PFDN1: variants seen among roughly 807,000 people sequenced by gnomAD.
PFDN1 encodes the protein prefoldin 1.
A neutral mutation model predicts 17.3 loss-of-function variants in PFDN1; 6 were observed. The observed-to-expected ratio is 0.35, with a 90% CI of 0.19 to 0.69. The LOEUF is 0.69. PFDN1 is among the 30% of genes least tolerant of loss of function. The pLI, the probability that PFDN1 is intolerant of heterozygous loss-of-function variation, is 0.65. For missense variants in PFDN1, 113 were observed against 146.2 expected, an observed-to-expected ratio of 0.77 and a Z score of 1.17; for synonymous variants, 58 against 50.1, an observed-to-expected ratio of 1.16 and a Z score of -0.67.
intron 2 of PFDN1, among the ~76,000 whole-genome samples, chr5:140,286,498 G>T (rs1165164356): frequency 6.7e-6 from 1 of 149,164 alleles, no homozygotes; most frequent in Admixed American, 6.8e-5. Flanking sequence ...AATAAAAAAG[G>T]ATTTACACAA....
intron 3 of PFDN1, among the ~76,000 whole-genome samples, chr5:140,247,145 TTTTA>T (rs1365187650): frequency 6.6e-6 from 1 of 152,134 alleles, no homozygotes; most frequent in Non-Finnish European, 1.5e-5. Context: ...TGTTTGTATG[TTTTA>T]TTTATTTTTG....
intron 3 of PFDN1, among the ~76,000 whole-genome samples, chr5:140,256,898 C>A (rs982133338): frequency 6.6e-6 from 1 of 152,052 alleles, no homozygotes; most frequent in Non-Finnish European, 1.5e-5. Flanking sequence ...GACACTCTCA[C>A]ACTGAATCAA....
intron 3 of PFDN1, among the ~76,000 whole-genome samples, chr5:140,275,552 T>C (rs1483513851): frequency 6.6e-6 from 1 of 152,098 alleles, no homozygotes; most frequent in African/African-American, 2.4e-5. Flanking sequence ...CTTGGCTGGC[T>C]GATGACATAG....
chr5:140,290,778 TA>T (rs1765568662), intron 2 of PFDN1, among the ~76,000 whole-genome samples: 1 of 152,174 alleles, frequency 6.6e-6, no homozygotes, highest in South Asian at 2.1e-4. Context: ...ACTGTACTCC[TA>T]AAATGAATGC....
intron 2 of PFDN1, among the ~76,000 whole-genome samples, chr5:140,290,556 T>C (rs1765564799): frequency 1.3e-5 from 2 of 152,314 alleles, no homozygotes; most frequent in South Asian, 4.1e-4. Context: ...GTACATACTA[T>C]AATGACTCCA....
intron 3 of PFDN1, among the ~76,000 whole-genome samples, chr5:140,247,478 A>T (rs1423905374): frequency 6.6e-6 from 1 of 152,178 alleles, no homozygotes; most frequent in African/African-American, 2.4e-5. Flanking sequence ...TTTCCTACAG[A>T]AGCCAAATGT....
chr5:140,261,303 G>A (rs888248250), intron 3 of PFDN1, among the ~76,000 whole-genome samples: 6 of 151,992 alleles, frequency 3.9e-5, no homozygotes, highest in Admixed American at 1.3e-4. Flanking sequence ...ACATACAAAC[G>A]GGTTGGGGTA....
At chr5:140,302,899 G>A in intron 1 of PFDN1, 142 bp downstream of exon 1, 1 of 743,238 alleles carries the variant, frequency 1.3e-6, no homozygotes, top group Non-Finnish European at 2.4e-6. Flanking sequence ...ACCCAGTGAG[G>A]CCTTAGGACT....
At chr5:140,302,891 C>G in intron 1 of PFDN1, 150 bp downstream of exon 1, 1 of 712,426 alleles carries the variant, frequency 1.4e-6, no homozygotes, top group South Asian at 1.6e-5. Context: ...TTATGGAGAC[C>G]CAGTGAGGCC....
chr5:140,284,513 G>A (rs375623345), intron 2 of PFDN1, among the ~76,000 whole-genome samples: 4 of 152,336 alleles, frequency 2.6e-5, no homozygotes, highest in African/African-American at 9.6e-5. Flanking sequence ...GATACTATGT[G>A]AAGAGAAAGG....
chr5:140,288,379 T>C (rs1765529445), intron 2 of PFDN1, among the ~76,000 whole-genome samples: 1 of 151,410 alleles, frequency 6.6e-6, no homozygotes, highest in African/African-American at 2.4e-5. Context: ...ATAGAAACAG[T>C]AAAAAGGTCA....
intron 2 of PFDN1, among the ~76,000 whole-genome samples, chr5:140,287,074 T>C (rs1765507098): frequency 6.6e-6 from 1 of 152,236 alleles, no homozygotes; most frequent in African/African-American, 2.4e-5. Context: ...TATGTGAATA[T>C]ATGTATACAA....
At chr5:140,272,596 G>T (rs112179824) in intron 3 of PFDN1, among the ~76,000 whole-genome samples, 16 of 151,698 alleles carry the variant, frequency 1.1e-4, no homozygotes, top group African/African-American at 3.4e-4. Context: ...CTGACCTCAT[G>T]ATCTACCCGC....
At chr5:140,290,617 G>A (rs865891133) in intron 2 of PFDN1, among the ~76,000 whole-genome samples, 7 of 152,106 alleles carry the variant, frequency 4.6e-5, no homozygotes, top group East Asian at 1.9e-4. Context: ...ATTAATTTAC[G>A]GTCATAGAAA....
At chr5:140,268,862 G>GT in intron 3 of PFDN1, among the ~76,000 whole-genome samples, 1 of 152,168 alleles carries the variant, frequency 6.6e-6, no homozygotes, top group South Asian at 2.1e-4. Flanking sequence ...GCCTAATGTA[G>GT]TTTACCTTTA....
At chr5:140,285,053 C>T (rs925426537) in intron 2 of PFDN1, among the ~76,000 whole-genome samples, 8 of 152,174 alleles carry the variant, frequency 5.3e-5, no homozygotes, top group Non-Finnish European at 1.5e-5. Flanking sequence ...AGATCACTTG[C>T]ACTGCTGCAT....
intron 1 of PFDN1, among the ~76,000 whole-genome samples, chr5:140,302,026 A>T (rs887159485): frequency 6.6e-6 from 1 of 152,242 alleles, no homozygotes; most frequent in Non-Finnish European, 1.5e-5. Context: ...CAACACTAAC[A>T]AAAGCTTCAT....
At chr5:140,281,588 A>T (rs1265340020) in intron 2 of PFDN1, 55 bp from the exon 3 acceptor site, 1 of 837,404 alleles carries the variant, frequency 1.2e-6, no homozygotes, top group African/African-American at 1.7e-5. Context: ...AATTCATCGA[A>T]ATCAATAGCT....
intron 3 of PFDN1, among the ~76,000 whole-genome samples, chr5:140,252,175 T>C (rs181318559): frequency 6.6e-6 from 1 of 150,552 alleles, no homozygotes; most frequent in African/African-American, 2.4e-5. Context: ...TCACATGAAC[T>C]CTTGCCTTAA....
Sources: allele counts gnomAD v4.1 joint callset (sites outside exome capture counted in the v4.1 genomes callset), GRCh38; gene constraint gnomAD v4.1.1; transcripts MANE v1.5; gene names NCBI Gene and HGNC (gene_info 2026-07-23, HGNC 2026-07-21).